The following MUC4 variants were observed in gnomAD, a reference collection of about 807,000 sequenced individuals.
The protein encoded by MUC4 is mucin-4.
Under a neutral mutation model 257.9 loss-of-function variants are expected in MUC4, and 202 were observed. The ratio of observed to expected loss-of-function variants is 0.78; its 90% CI spans 0.70 to 0.88. The LOEUF (loss-of-function observed/expected upper bound fraction) is 0.88. Among genes scored for constraint, MUC4 ranks in the 40% least tolerant of loss-of-function variants. MUC4 has a pLI of 0.00. For missense variants in MUC4, 5,976 were observed against 6,513.7 expected (o/e 0.92, Z 2.84); for synonymous variants, 2,351 against 2,757.1 (o/e 0.85, Z 4.62).
intron 1 of MUC4, among the ~76,000 whole-genome samples, chr3:195,801,145 T>C (rs2149066966): frequency 6.6e-6 from 1 of 152,348 alleles, no homozygotes; most frequent in Non-Finnish European, 1.5e-5. Flanking sequence ...TTGTTCTTGC[T>C]GCTCAAGTGT....
intron 18 of MUC4, 120 bp from the exon 19 acceptor site, chr3:195,754,492 A>T: frequency 1.6e-6 from 2 of 1,275,320 alleles, no homozygotes; most frequent in Non-Finnish European, 2.1e-6. Flanking sequence ...TCTCAGCCCC[A>T]CCAGCACCTG....
chr3:195,771,925 G>C (rs1722965751), intron 4 of MUC4, 109 bp from the exon 5 acceptor site: 1 of 1,238,268 alleles, frequency 8.1e-7, no homozygotes, highest in Non-Finnish European at 1.1e-6. Flanking sequence ...GAGCTTTAGA[G>C]ATGCTAACAA....
chr3:195,770,915 C>T, intron 5 of MUC4: 1 of 456,418 alleles, frequency 2.2e-6, no homozygotes, highest in Non-Finnish European at 4.4e-6. Context: ...GCTGAATTGT[C>T]AGCCCCCATC....
intron 17 of MUC4, among the ~76,000 whole-genome samples, chr3:195,758,623 C>T (rs573282607): frequency 2.4e-4 from 33 of 135,404 alleles, no homozygotes; most frequent in African/African-American, 9.0e-4. Context: ...AGTGCAGTGA[C>T]GCGATCTCAG....
Position 195,767,501 on chromosome 3 carries a change from C to CCACCACCATCACCAT in MUC4, c.13530-765_13530-751dup, listed in dbSNP as rs1720912324. Among the ~76,000 whole-genome samples the CCACCACCATCACCAT allele has an allele frequency of 4.2e-5, 6 of 143,476 alleles. No homozygotes were observed. In the East Asian group the frequency reaches 6.8e-4, roughly 16 times the overall value. 94.1% of individuals were successfully genotyped at this position (143,476 alleles called of 152,430 possible). On this transcript the variant is annotated intron_variant, in intron 7 of 24. Coordinates refer to ENST00000463781, the MANE Select transcript of MUC4 (RefSeq NM_018406.7). The stretch of plus-strand genomic sequence containing the variant: ...ACCATCACCACCACCATCACCATCA[C>CCACCACCATCACCAT]CACCACCATCACCATCACCACCACC...
rs1717807808 is a variant in MUC4 at position 195,757,032 on chromosome 3, T to C, written c.15168+115A>G. The C allele has an allele frequency of 5.6e-6, 6 of 1,076,320 alleles. No individual in the cohort carries two copies. In the Admixed American group the frequency reaches 1.3e-4, roughly 24 times the overall value. 66.7% of individuals were successfully genotyped at this position (1,076,320 alleles called of 1,614,324 possible). A position where few individuals can be genotyped will look rare whatever the true frequency, so the allele number is the denominator to read the frequency against. On this transcript the variant is annotated intron_variant, in intron 18 of 24. Transcript: ENST00000463781. This position sits in a 1 kb window ranked among gnomAD's most constrained non-coding sequence, Gnocchi z 4.8. ...ATCTGCTCTACTCACCTACCACTGC[T>C]CCACCCATCTCCCAACACAGACACA...
intron 7 of MUC4, among the ~76,000 whole-genome samples, chr3:195,767,579 C>CCATCACCACCACCACCATCAT (rs1721161098): frequency 9.1e-6 from 1 of 109,560 alleles, no homozygotes; most frequent in Non-Finnish European, 1.7e-5. Flanking sequence ...ACCATCACCA[C>CCATCACCACCACCACCATCAT]CACCATCACC....
rs71321842 is a variant in MUC4 at position 195,786,549 on chromosome 3, G to A, written c.5031C>T (p.His1677=). 40,589 of 975,006 alleles carry A rather than the reference G, an allele frequency of 0.042. 2 individuals carry two copies. Among genetic ancestry groups the A allele is most frequent in the Non-Finnish European group, 0.049 (34,447 of 698,246 alleles). The allele number at this position is 975,006 out of a possible 1,614,324, so 60.4% of individuals were successfully genotyped here. ...VTSTSSASTG[H]ATPLPVTGLS... ...GGCCGGTGACAGGAAGAGGGGTGGCGTGACCGGTGGATGCTGAGGAAGTGC... is the reference window on the plus strand; with the variant it reads ...GGCCGGTGACAGGAAGAGGGGTGGCATGACCGGTGGATGCTGAGGAAGTGC... The change falls in exon 2 of 25, where the codon CAC becomes CAT. Residue 1677 remains histidine (H), a synonymous_variant. Coordinates refer to ENST00000463781, the MANE Select transcript of MUC4 (RefSeq NM_018406.7).
In MUC4 at chr3:195,789,046, G is replaced by T. The variant is rs745491387; in HGVS notation, c.2534C>A (p.Thr845Asn). The T allele has an allele frequency of 1.2e-6, 2 of 1,613,826 alleles. No individual in the cohort carries two copies. Among genetic ancestry groups the T allele is most frequent in the Non-Finnish European group, 8.5e-7 (1 of 1,179,826 alleles). The change falls in exon 2 of 25, where the codon ACC becomes AAC. Residue 845 changes from threonine (T) to asparagine (N), a missense_variant. Transcript: ENST00000463781. ...ACTGGCTGAGGCGGACAGCAATTCG[G>T]TTGTTGACTGGGTTGTGTGACTGTC... ...SRDSHTTQST[T>N]ELLSASASHG...
At chr3:195,806,082 C>T (rs1735953278) in intron 1 of MUC4, among the ~76,000 whole-genome samples, 1 of 152,218 alleles carries the variant, frequency 6.6e-6, no homozygotes, top group Non-Finnish European at 1.5e-5. Flanking sequence ...CGCCACAGCA[C>T]TTCAGCCTGG....
intron 8 of MUC4, 124 bp downstream of exon 8, chr3:195,766,539 G>T (rs190085271): frequency 8.4e-6 from 7 of 830,426 alleles, no homozygotes; most frequent in African/African-American, 3.3e-5. Context: ...TGAACTGTGT[G>T]GGGGAGGCCC....
chr3:195,764,636 C>A (rs139809455), intron 10 of MUC4, among the ~76,000 whole-genome samples: 1 of 151,984 alleles, frequency 6.6e-6, no homozygotes, highest in Non-Finnish European at 1.5e-5. Context: ...CACACCCCTG[C>A]GCTCTCCAGC....
chr3:195,780,006 A>T lies in MUC4; in HGVS notation c.11574T>A (p.Pro3858=). 7.4e-7 allele frequency: 1 copy of T among 1,354,584 alleles called. No homozygotes were observed. Among genetic ancestry groups the T allele is most frequent in the South Asian group, 1.3e-5 (1 of 77,246 alleles). The allele number at this position is 1,354,584 out of a possible 1,614,324, so 83.9% of individuals were successfully genotyped here. ...SVSTGDTMPL[P]VTSPSSASTG... Reference sequence around the variant, plus strand: ...TGGATGCTGAGGAAGGGCTAGTGACAGGAAGAGGCATGGTGTCACCTGTGG... The same window carrying T: ...TGGATGCTGAGGAAGGGCTAGTGACTGGAAGAGGCATGGTGTCACCTGTGG... The change falls in exon 2 of 25, where the codon CCT becomes CCA. Residue 3858 remains proline (P), a synonymous_variant. Coordinates refer to ENST00000463781, the MANE Select transcript of MUC4 (RefSeq NM_018406.7).
At position 195,789,122 on chromosome 3, in the gene MUC4, C is replaced by T; in HGVS notation, c.2458G>A (p.Gly820Arg). The change falls in exon 2 of 25, where the codon GGA becomes AGA. Residue 820 changes from glycine to arginine, a missense_variant. Gly to Arg is a moderately radical substitution (Grantham distance 125, BLOSUM62 -2). This residue lies in a region of MUC4 where 1,583 missense variants were observed against 1,257.4 expected (regional missense o/e 1.26). Coordinates refer to ENST00000463781, the MANE Select transcript of MUC4 (RefSeq NM_018406.7). The stretch of plus-strand genomic sequence containing the variant: ...GTCGTCTCTCCTGAGGTGGATATTC[C>T]TTCGCTTCCTGAAGGTGTTGTGCCA... ...ASGTTPSGSE[G>R]ISTSGETTRF... The T allele has an allele frequency of 6.2e-7, 1 of 1,613,590 alleles. No homozygotes were observed. Among genetic ancestry groups the T allele is most frequent in the Non-Finnish European group, 8.5e-7 (1 of 1,179,744 alleles).
At chr3:195,776,306 A>ACGCC in intron 3 of MUC4, among the ~76,000 whole-genome samples, 1 of 107,754 alleles carries the variant, frequency 9.3e-6, no homozygotes, top group Non-Finnish European at 1.8e-5. Context: ...CATACCTTCC[A>ACGCC]CACCCATACC....
At position 195,765,427 on chromosome 3, in the gene MUC4, G is replaced by A. The variant is rs770848837; in HGVS notation, c.13641C>T (p.Tyr4547=). 10 of 1,613,212 alleles carry A rather than the reference G, an allele frequency of 6.2e-6. No individual in the cohort carries two copies. The South Asian group carries it at 8.8e-5, about 14-fold the overall frequency. Residue 4547 remains tyrosine (Y), a synonymous_variant, in exon 9 of 25, where the codon TAC becomes TAT. Coordinates refer to ENST00000463781, the MANE Select transcript of MUC4 (RefSeq NM_018406.7). ...TGGGCCTTTCTTCCCGGTGTAGCCT[G>A]TAGAACTGCAGCCCTTGGAGGCCTG... is the stretch of plus-strand genomic sequence containing the variant. ...SNSGLQGLQF[Y]RLHREERPNY...
rs1209081528 is a variant in MUC4 at position 195,790,768 on chromosome 3, C to G, written c.812G>C (p.Gly271Ala). Residue 271 changes from glycine to alanine, a missense_variant, in exon 2 of 25, where the codon GGC becomes GCC. This residue lies in a region of MUC4 where 1,583 missense variants were observed against 1,257.4 expected (regional missense o/e 1.26). Coordinates refer to ENST00000463781, the MANE Select transcript of MUC4 (RefSeq NM_018406.7). ...SEKITVTTST[G>A]STLGNPGETS... is the part of the protein sequence containing the mutation. ...CTCCCCTGGGTTTCCAAGAGTGGAG[C>G]CTGTGGAGGTTGTCACTGTTATCTT... 1.2e-6 allele frequency: 2 copies of G among 1,613,828 alleles called. No homozygotes were observed. The highest frequency in any genetic ancestry group is 2.2e-5 in the South Asian group (2 of 91,080).
chr3:195,786,563 C>G lies in MUC4; in HGVS notation c.5017G>C (p.Ala1673Pro), dbSNP rs748716712. ...AGAGGGGTGGCGTGACCGGTGGATG[C>G]TGAGGAAGTGCTGGTGACAGGAAGA... ...TPLPVTSTSSASTGHATPLPV... is the reference protein window; with the variant it reads ...TPLPVTSTSSPSTGHATPLPV... Residue 1673 changes from alanine to proline, a missense_variant, in exon 2 of 25, where the codon GCA becomes CCA. Physicochemically the swap from Ala to Pro is conservative, Grantham distance 27. Around this residue, in one of 44 missense-constraint regions of MUC4, gnomAD observed 61 missense variants for 100.2 expected, o/e 0.61. Transcript: ENST00000463781. The G allele has an allele frequency of 1.3e-6, 2 of 1,516,090 alleles. No homozygotes were observed. Among genetic ancestry groups the G allele is most frequent in the South Asian group, 1.2e-5 (1 of 81,962 alleles). The allele number at this position is 1,516,090 out of a possible 1,614,324, so 93.9% of individuals were successfully genotyped here. A position where few individuals can be genotyped will look rare whatever the true frequency, so the allele number is the denominator to read the frequency against.
At position 195,789,061 on chromosome 3, in the gene MUC4, G is replaced by T. The variant is rs768479532; in HGVS notation, c.2519C>A (p.Thr840Lys). ...CAGCAATTCGGTTGTTGACTGGGTT[G>T]TGTGACTGTCCCTGGAGGGGTTTGA... ...FSSNPSRDSH[T>K]TQSTTELLSA... The change falls in exon 2 of 25, where the codon ACA becomes AAA. Residue 840 changes from threonine to lysine, a missense_variant. Transcript: ENST00000463781. 1.9e-6 allele frequency: 3 copies of T among 1,613,644 alleles called. No individual in the cohort carries two copies. The highest frequency in any genetic ancestry group is 1.7e-6 in the Non-Finnish European group (2 of 1,179,826).
Sources: gnomAD v4.1 joint callset for allele counts (sites outside exome capture counted in the v4.1 genomes callset) on GRCh38, gnomAD v4.1.1 for gene constraint, gnomAD v4.1.1 regional missense constraint, Gnocchi (gnomAD v3.1) non-coding constraint, MANE v1.5 for transcripts, NCBI Gene and HGNC (gene_info 2026-07-23, HGNC 2026-07-21) for gene names.